The following PCNX2 variants were observed in gnomAD, a reference collection of about 807,000 sequenced individuals.
PCNX2 encodes pecanex 2, also known as pecanex-like protein 2.
Under a neutral mutation model 223.8 loss-of-function variants are expected in PCNX2, and 168 were observed. The ratio of observed to expected loss-of-function variants is 0.75; its 90% CI spans 0.66 to 0.85. The LOEUF (loss-of-function observed/expected upper bound fraction) is 0.85. Ranked by LOEUF, PCNX2 falls within the 40% of genes least tolerant of loss-of-function variation. The probability of loss-of-function intolerance (pLI) is 0.00; values close to 1 mark genes in which losing one functional copy is unlikely to be tolerated. For synonymous variants in PCNX2, 1,006 were observed against 1,052.6 expected, an observed-to-expected ratio of 0.96 and a Z score of 0.86; for missense variants, 2,507 against 2,675.5, an observed-to-expected ratio of 0.94 and a Z score of 1.39.
intron 13 of PCNX2, among the ~76,000 whole-genome samples, chr1:233,205,277 C>G (rs2102904332): frequency 6.6e-6 from 1 of 152,354 alleles, no homozygotes; most frequent in South Asian, 2.1e-4. Flanking sequence ...GCAAAAGGCA[C>G]TTTTTAAGTC....
chr1:233,310,503 T>C, the PCNX2 span, among the ~76,000 whole-genome samples: 1 of 152,104 alleles, frequency 6.6e-6, no homozygotes, highest in African/African-American at 2.4e-5. Context: ...CCAGAACATC[T>C]TTTGGGGAGT....
chr1:233,312,619 T>C, the PCNX2 span, among the ~76,000 whole-genome samples: 157 of 152,344 alleles, frequency 1.0e-3, no homozygotes, highest in African/African-American at 3.7e-3. Context: ...ATTCTCTGTA[T>C]GAAGGTAGCA....
At chr1:233,302,204 A>C in the PCNX2 span, among the ~76,000 whole-genome samples, 7 of 152,198 alleles carry the variant, frequency 4.6e-5, no homozygotes, top group Admixed American at 6.5e-5. Flanking sequence ...CATTGAGATA[A>C]ATTTTGAATG....
rs114088599 is a variant in PCNX2, at chr1:233,146,387, T to C, written c.3518-6532A>G. 8.7e-3 allele frequency among the ~76,000 whole-genome samples: 1,323 copies of C among 152,246 alleles called. 15 individuals carry two copies. The highest frequency in any genetic ancestry group is 0.03 in the African/African-American group (1,238 of 41,556). ...TTCTGGGGGAAAAAAGCAGTCTTTTTGAAGTACTTTTCTGATTATGAAATA... is the reference window on the plus strand; with the variant it reads ...TTCTGGGGGAAAAAAGCAGTCTTTTCGAAGTACTTTTCTGATTATGAAATA... On this transcript the variant is annotated intron_variant, in intron 19 of 33. Transcript: ENST00000258229.
intron 26 of PCNX2, among the ~76,000 whole-genome samples, 187 bp downstream of exon 26, chr1:233,024,959 C>T (rs1388335782): frequency 3.3e-5 from 5 of 152,150 alleles, no homozygotes; most frequent in South Asian, 4.2e-4. Flanking sequence ...ACCCAGGGCA[C>T]AAATCTCAGG....
intron 13 of PCNX2, among the ~76,000 whole-genome samples, chr1:233,203,843 C>A (rs532308250): frequency 6.6e-6 from 1 of 152,262 alleles, no homozygotes; most frequent in East Asian, 1.9e-4. Context: ...CAGTGGGTAA[C>A]CCATACATCA....
the PCNX2 span, among the ~76,000 whole-genome samples, chr1:233,318,184 T>C: frequency 6.6e-6 from 1 of 152,166 alleles, no homozygotes; most frequent in African/African-American, 2.4e-5. Context: ...ATCTCTAAAA[T>C]TGTGTGTTTT....
intron 21 of PCNX2, among the ~76,000 whole-genome samples, chr1:233,106,198 C>T (rs1674763497): frequency 6.6e-6 from 1 of 152,164 alleles, no homozygotes; most frequent in Admixed American, 6.6e-5. Flanking sequence ...TTACAGTTTC[C>T]TGCATCTTTA....
In PCNX2 at chr1:233,012,458, G is replaced by A. The variant is rs1214735658; in HGVS notation, c.4952+2207C>T. On this transcript the variant is annotated intron_variant, in intron 28 of 33. Coordinates refer to ENST00000258229, the MANE Select transcript of PCNX2 (RefSeq NM_014801.4). Reference sequence around the variant, plus strand: ...TAAGTGAAAAAACTGAAAGGAAAGCGTCTTGGAGGATCTTTCTATGTGGTG... The same window carrying A: ...TAAGTGAAAAAACTGAAAGGAAAGCATCTTGGAGGATCTTTCTATGTGGTG... Among the ~76,000 whole-genome samples the A allele has an allele frequency of 5.3e-5, 8 of 151,994 alleles. No individual in the cohort carries two copies. The East Asian group carries it at 5.8e-4, about 11-fold the overall frequency.
chr1:233,121,887 C>CT (rs1330961492), intron 21 of PCNX2, among the ~76,000 whole-genome samples: 2 of 152,136 alleles, frequency 1.3e-5, no homozygotes, highest in Non-Finnish European at 2.9e-5. Context: ...TTTCCTTGCT[C>CT]TTTCAGCTGA....
intron 10 of PCNX2, among the ~76,000 whole-genome samples, chr1:233,218,726 A>G (rs1041570130): frequency 1.3e-5 from 2 of 152,136 alleles, no homozygotes; most frequent in African/African-American, 2.4e-5. Context: ...TTGTTATTGA[A>G]GCAAATAAAA....
chr1:233,160,823 G>C (rs1412684559), intron 18 of PCNX2, among the ~76,000 whole-genome samples: 1 of 152,154 alleles, frequency 6.6e-6, no homozygotes, highest in East Asian at 1.9e-4. Flanking sequence ...ACCACAGCCA[G>C]GAATCCCATC....
chr1:233,013,294 T>C (rs530812877), intron 28 of PCNX2, among the ~76,000 whole-genome samples: 6 of 152,280 alleles, frequency 3.9e-5, no homozygotes, highest in Admixed American at 3.9e-4. Context: ...CTACCCTTGG[T>C]TCTTACTTGT....
At chr1:232,997,983 T>C (rs894849075) in intron 32 of PCNX2, among the ~76,000 whole-genome samples, 3 of 152,124 alleles carry the variant, frequency 2.0e-5, no homozygotes, top group Non-Finnish European at 4.4e-5. Context: ...AAAGATGGAA[T>C]GGAATGCAGC....
At chr1:233,044,202 T>G (rs1479150258) in intron 25 of PCNX2, among the ~76,000 whole-genome samples, 1 of 152,238 alleles carries the variant, frequency 6.6e-6, no homozygotes, top group Non-Finnish European at 1.5e-5. Context: ...TGCATAAATG[T>G]CTTCTTTTGA....
At chr1:233,116,688 C>T (rs1475220496) in intron 21 of PCNX2, among the ~76,000 whole-genome samples, 3 of 152,036 alleles carry the variant, frequency 2.0e-5, no homozygotes, top group African/African-American at 7.2e-5. Context: ...TAAATGCATA[C>T]ATTAGAAAAG....
intron 17 of PCNX2, among the ~76,000 whole-genome samples, chr1:233,176,010 G>C (rs1033206449): frequency 6.6e-6 from 1 of 152,152 alleles, no homozygotes. Context: ...AGCACCCACT[G>C]TAACACCGGG....
intron 21 of PCNX2, among the ~76,000 whole-genome samples, chr1:233,131,407 C>A (rs1676499131): frequency 6.6e-6 from 1 of 151,880 alleles, no homozygotes; most frequent in South Asian, 2.1e-4. Flanking sequence ...TTAAAATGAG[C>A]AGAATGAAAA....
chr1:233,104,434 C>T (rs1267575070), intron 21 of PCNX2, among the ~76,000 whole-genome samples: 2 of 151,820 alleles, frequency 1.3e-5, no homozygotes, highest in Non-Finnish European at 1.5e-5. Flanking sequence ...CATAGCAGTA[C>T]ATAATGATGA....
Sources: gnomAD v4.1 joint callset for allele counts (sites outside exome capture counted in the v4.1 genomes callset) on GRCh38, gnomAD v4.1.1 for gene constraint, MANE v1.5 for transcripts, NCBI Gene and HGNC (gene_info 2026-07-23, HGNC 2026-07-21) for gene names.